The following APLP2 variants were observed in gnomAD, a reference collection of about 807,000 sequenced individuals.
APLP2 encodes the protein amyloid beta precursor like protein 2.
APLP2 carries 53 observed loss-of-function variants against 89.9 expected under a neutral mutation model. The observed-to-expected ratio is 0.59, with a 90% CI of 0.47 to 0.74. APLP2 has a LOEUF of 0.74. Ranked by LOEUF, APLP2 falls within the 30% of genes least tolerant of loss-of-function variation. APLP2 has a pLI of 0.00. For missense variants in APLP2, 973 were observed against 975.9 expected (o/e 1.00, Z 0.04); for synonymous variants, 372 against 348.6 (o/e 1.07, Z -0.75).
At chr11:130,088,644 C>T (rs530608294) in intron 1 of APLP2, among the ~76,000 whole-genome samples, 2 of 151,418 alleles carry the variant, frequency 1.3e-5, no homozygotes, top group East Asian at 3.9e-4. Flanking sequence ...CCAGAATGAC[C>T]GAGATACTTA....
intron 3 of APLP2, 37 bp downstream of exon 3, chr11:130,110,698 C>T (rs1301128572): frequency 6.4e-7 from 1 of 1,570,624 alleles, no homozygotes; most frequent in African/African-American, 1.4e-5. Context: ...AAGTGCCAGC[C>T]CCCTCCCATT....
In APLP2 at chr11:130,129,131, G is replaced by A; in HGVS notation, c.1380G>A (p.Val460=). ...QQLVETHLAR[V]EAMLNDRRRM... is the part of the protein sequence containing the mutation. ...TGGTGGAGACCCACCTGGCCCGAGT[G>A]GAAGCTATGCTGAATGACCGCCGTC... The change falls in exon 10 of 17, where the codon GTG becomes GTA. Residue 460 remains valine, a synonymous_variant. Coordinates refer to ENST00000338167, the MANE Select transcript of APLP2 (RefSeq NM_001142276.2). 6.2e-7 allele frequency: 1 copy of A among 1,614,218 alleles called. No individual in the cohort carries two copies. Among genetic ancestry groups the A allele is most frequent in the Non-Finnish European group, 8.5e-7 (1 of 1,180,036 alleles).
intron 6 of APLP2, 61 bp downstream of exon 6, chr11:130,122,574 G>A: frequency 6.2e-7 from 1 of 1,602,622 alleles, no homozygotes; most frequent in Non-Finnish European, 8.5e-7. Context: ...TTAGACTTTT[G>A]CATTGCGTCT....
At chr11:130,070,143 C>A (rs1421125692) in intron 1 of APLP2, 61 bp downstream of exon 1, 15 of 1,168,680 alleles carry the variant, frequency 1.3e-5, no homozygotes, top group Non-Finnish European at 1.6e-5. Flanking sequence ...GCGCGGACTG[C>A]GGGCGGGCAG....
Position 130,127,854 on chromosome 11 carries a change from T to C in APLP2, c.1296+14T>C. ...ACTCTGATTCAGGTAAGATGCCTTC[T>C]CTGGGGACATAGCTTTCAGCCTGAC... On this transcript the variant is annotated intron_variant, in intron 9 of 16. Transcript: ENST00000338167. 2 of 1,611,410 alleles carry C rather than the reference T, an allele frequency of 1.2e-6. No individual in the cohort carries two copies. The highest frequency in any genetic ancestry group is 1.7e-6 in the Non-Finnish European group (2 of 1,177,770).
chr11:130,082,506 G>T, intron 1 of APLP2: 1 of 156,922 alleles, frequency 6.4e-6, no homozygotes, highest in Non-Finnish European at 1.4e-5. Context: ...TTAATTTTCT[G>T]ACTCTGTGCT....
Position 130,121,010 on chromosome 11 carries a change from G to T in APLP2, c.516+192G>T, listed in dbSNP as rs116482112. Among the ~76,000 whole-genome samples, 1,342 of 152,344 alleles carry T rather than the reference G, an allele frequency of 8.8e-3. 18 individuals carry two copies. The highest frequency in any genetic ancestry group is 0.031 in the African/African-American group (1,299 of 41,570). ...GTAGGTATTTGTGTAGGAGAGCTCA[G>T]TGTTGACAGTCAGCTCCTGAAGTTG... On this transcript the variant is annotated intron_variant, in intron 4 of 16. Transcript: ENST00000338167.
intron 1 of APLP2, among the ~76,000 whole-genome samples, chr11:130,072,901 G>T (rs1311214651): frequency 6.6e-6 from 1 of 152,212 alleles, no homozygotes; most frequent in East Asian, 1.9e-4. Context: ...GGCTTTCCCA[G>T]GGTGTAGCCA....
chr11:130,105,660 GTCTCTCTCTTTCTCTC>G (rs1821844021), intron 1 of APLP2, among the ~76,000 whole-genome samples: 1 of 145,184 alleles, frequency 6.9e-6, no homozygotes, highest in Admixed American at 6.8e-5. Context: ...GCCTGTGCTT[GTCTCTCTCTTTCTCTC>G]TCTCTCTCCC....
intron 1 of APLP2, among the ~76,000 whole-genome samples, chr11:130,088,823 C>CT (rs1297564072): frequency 6.6e-6 from 1 of 151,936 alleles, no homozygotes; most frequent in South Asian, 2.1e-4. Context: ...GGACGGCCTT[C>CT]TTTTTTTCAC....
chr11:130,098,886 A>G (rs575857821), intron 1 of APLP2, among the ~76,000 whole-genome samples: 68 of 152,052 alleles, frequency 4.5e-4, no homozygotes, highest in African/African-American at 1.6e-3. Context: ...ATCTGAATCA[A>G]TAAGAATGAT....
At chr11:130,080,117 A>G (rs961566925) in intron 1 of APLP2, among the ~76,000 whole-genome samples, 5 of 152,094 alleles carry the variant, frequency 3.3e-5, no homozygotes. Context: ...AGTGAGTTTG[A>G]CCTGTAATTT....
rs115501642 is a variant in APLP2 at position 130,110,057 on chromosome 11, C to G, written c.279+455C>G. Among the ~76,000 whole-genome samples, 630 of 152,318 alleles carry G rather than the reference C, an allele frequency of 4.1e-3. 6 individuals are homozygous for G. Among genetic ancestry groups the G allele is most frequent in the African/African-American group, 0.014 (586 of 41,576 alleles). Reference sequence around the variant, plus strand: ...GTCTTGCTACATTGGCCAGGGTACTCTCAAACTCCTGGCCTCAAGCCATCC... The same window carrying G: ...GTCTTGCTACATTGGCCAGGGTACTGTCAAACTCCTGGCCTCAAGCCATCC... On this transcript the variant is annotated intron_variant, in intron 2 of 16. Transcript: ENST00000338167.
At chr11:130,114,927 C>T (rs1047521782) in intron 3 of APLP2, among the ~76,000 whole-genome samples, 1 of 152,068 alleles carries the variant, frequency 6.6e-6, no homozygotes, top group African/African-American at 2.4e-5. Flanking sequence ...TGCAGGTGTC[C>T]TTTTGCAAGT....
intron 1 of APLP2, among the ~76,000 whole-genome samples, chr11:130,085,285 A>G (rs1333092365): frequency 1.3e-5 from 2 of 152,202 alleles, no homozygotes; most frequent in Non-Finnish European, 2.9e-5. Flanking sequence ...CGCCGTCTCT[A>G]CTAAAAATAC....
rs1948427682 is a variant in APLP2, at chr11:130,110,611, G to A, written c.353G>A (p.Arg118Lys). 10 of 1,613,846 alleles carry A rather than the reference G, an allele frequency of 6.2e-6. No individual in the cohort carries two copies. The highest frequency in any genetic ancestry group is 8.5e-6 in the Non-Finnish European group (10 of 1,179,986). ...QRVSIDNWCR[R>K]DKKQCKSRFV... ...GTTAGTATTGACAACTGGTGCCGGA[G>A]GGACAAAAAGCAATGCAAGAGTCGC... Residue 118 changes from arginine (R) to lysine (K), a missense_variant, in exon 3 of 17, where the codon AGG becomes AAG. By Grantham distance (26) the Arg-to-Lys change is conservative (BLOSUM62 2). Coordinates refer to ENST00000338167, the MANE Select transcript of APLP2 (RefSeq NM_001142276.2).
chr11:130,105,053 C>A (rs186019298), intron 1 of APLP2, among the ~76,000 whole-genome samples: 1 of 152,318 alleles, frequency 6.6e-6, no homozygotes, highest in Admixed American at 6.5e-5. Flanking sequence ...AAGGATTGTT[C>A]ATGTCTGTGT....
chr11:130,134,016 C>T (rs1591843123), intron 12 of APLP2, among the ~76,000 whole-genome samples: 1 of 152,222 alleles, frequency 6.6e-6, no homozygotes, highest in Non-Finnish European at 1.5e-5. Flanking sequence ...CTACGAGTTT[C>T]CTGTTCCCGT....
chr11:130,114,970 C>A (rs1429538453), intron 3 of APLP2, among the ~76,000 whole-genome samples: 7 of 152,136 alleles, frequency 4.6e-5, no homozygotes, highest in African/African-American at 1.2e-4. Flanking sequence ...CAGCCACTGA[C>A]AGTTCACCCT....
Sources: allele counts gnomAD v4.1 joint callset (sites outside exome capture counted in the v4.1 genomes callset), GRCh38; gene constraint gnomAD v4.1.1; transcripts MANE v1.5; gene names NCBI Gene and HGNC (gene_info 2026-07-23, HGNC 2026-07-21).